Variants in PSMA1 observed in about 807,000 individuals in gnomAD.
PSMA1 encodes the protein proteasome 20S subunit alpha 1.
In PSMA1, 3 loss-of-function variants were observed where a neutral mutation model predicts 38.4. The ratio of observed to expected loss-of-function variants is 0.08; its 90% confidence interval spans 0.04 to 0.20. The LOEUF (loss-of-function observed/expected upper bound fraction) is 0.20. Among genes scored for constraint, PSMA1 ranks in the 10% least tolerant of loss-of-function variants. PSMA1 has a pLI of 1.00. For synonymous variants in PSMA1, 101 were observed against 107.1 expected, an observed-to-expected ratio of 0.94 and a Z score of 0.35; for missense variants, 227 against 325.3, an observed-to-expected ratio of 0.70 and a Z score of 2.32.
intron 1 of PSMA1, among the ~76,000 whole-genome samples, chr11:14,625,847 A>G (rs1852902698): frequency 6.6e-6 from 1 of 152,226 alleles, no homozygotes; most frequent in Non-Finnish European, 1.5e-5. Context: ...TTGCACGTCT[A>G]ATTCTGTTTT....
intron 1 of PSMA1, among the ~76,000 whole-genome samples, chr11:14,613,690 A>G (rs2134199803): frequency 6.6e-6 from 1 of 152,336 alleles, no homozygotes; most frequent in East Asian, 1.9e-4. Flanking sequence ...AAAGTAGTGA[A>G]ACCCTATACC....
At chr11:14,506,231 A>G (rs1418845979) in intron 9 of PSMA1, among the ~76,000 whole-genome samples, 1 of 152,192 alleles carries the variant, frequency 6.6e-6, no homozygotes, top group African/African-American at 2.4e-5. Flanking sequence ...ATATCATTGA[A>G]CAATTCCACC....
intron 8 of PSMA1, among the ~76,000 whole-genome samples, chr11:14,508,671 A>T (rs1851291584): frequency 6.6e-6 from 1 of 151,336 alleles, no homozygotes; most frequent in Admixed American, 6.6e-5. Context: ...TAGCGATTGG[A>T]GCAGAGTGAC....
At chr11:14,582,276 C>T (rs773911653) in intron 2 of PSMA1, among the ~76,000 whole-genome samples, 12 of 152,036 alleles carry the variant, frequency 7.9e-5, no homozygotes, top group Non-Finnish European at 7.4e-5. Flanking sequence ...CTTCTTAGAT[C>T]GATTTAGACA....
chr11:14,507,542 T>G, intron 9 of PSMA1, 114 bp downstream of exon 9: 1 of 735,594 alleles, frequency 1.4e-6, no homozygotes, highest in Non-Finnish European at 2.3e-6. Context: ...TGTTGCCATT[T>G]GAATTATGGG....
At chr11:14,568,581 T>C (rs1852100900) in intron 2 of PSMA1, among the ~76,000 whole-genome samples, 1 of 152,208 alleles carries the variant, frequency 6.6e-6, no homozygotes. Flanking sequence ...TCACTCAGAG[T>C]TGGCATCTAA....
At chr11:14,599,486 T>A (rs1243477111) in intron 2 of PSMA1, among the ~76,000 whole-genome samples, 1 of 152,214 alleles carries the variant, frequency 6.6e-6, no homozygotes, top group Non-Finnish European at 1.5e-5. Context: ...ATTTCATTAA[T>A]TTGATCTTCA....
chr11:14,520,447 A>G, upstream of PSMA1: 8 of 1,580,132 alleles, frequency 5.1e-6, no homozygotes, highest in Non-Finnish European at 6.9e-6. Context: ...AGAGATATCG[A>G]TAGGCTTGCA....
chr11:14,629,449 C>G lies in PSMA1; in HGVS notation c.-166+14006G>C, dbSNP rs897451375. ...AATCCTTTCCCCATTGCTTGTTTTT[C>G]TCAGGTTTGTCAAAGATCAGATAGT... is the stretch of plus-strand genomic sequence containing the variant. On this transcript the variant is annotated intron_variant, in intron 1 of 10. Coordinates refer to the PSMA1 transcript ENST00000418988. Among the ~76,000 whole-genome samples the G allele has an allele frequency of 3.9e-5, 6 of 152,014 alleles. No individual in the cohort carries two copies. The East Asian group carries it at 9.6e-4, about 24-fold the overall frequency.
At chr11:14,505,477 T>C (rs1249931098) in intron 9 of PSMA1, among the ~76,000 whole-genome samples, 1 of 152,174 alleles carries the variant, frequency 6.6e-6, no homozygotes, top group African/African-American at 2.4e-5. Flanking sequence ...AAAATACAGT[T>C]GGCTCGAACA....
At chr11:14,520,274 C>A in intron 1 of PSMA1, 23 bp downstream of exon 1, 1 of 1,614,072 alleles carries the variant, frequency 6.2e-7, no homozygotes, top group Non-Finnish European at 8.5e-7. Flanking sequence ...CCTAAACCTT[C>A]CAGAGATCGG....
At chr11:14,554,753 C>T (rs56179529) in intron 2 of PSMA1, among the ~76,000 whole-genome samples, 1 of 151,926 alleles carries the variant, frequency 6.6e-6, no homozygotes, top group African/African-American at 2.4e-5. Context: ...ATTTTTTAAA[C>T]GGATTTTTTT....
At chr11:14,570,945 A>G (rs2134177840) in intron 2 of PSMA1, among the ~76,000 whole-genome samples, 1 of 152,350 alleles carries the variant, frequency 6.6e-6, no homozygotes, top group South Asian at 2.1e-4. Flanking sequence ...TGTTAAGGGC[A>G]GCAAGAGAGA....
At chr11:14,639,685 A>G (rs1853173247) in intron 1 of PSMA1, among the ~76,000 whole-genome samples, 1 of 152,208 alleles carries the variant, frequency 6.6e-6, no homozygotes, top group Non-Finnish European at 1.5e-5. Flanking sequence ...CATACCTTAC[A>G]CTTAAGCCAT....
At chr11:14,579,371 CTCTTTG>C (rs938887720) in intron 2 of PSMA1, among the ~76,000 whole-genome samples, 3 of 152,010 alleles carry the variant, frequency 2.0e-5, no homozygotes, top group Admixed American at 1.3e-4. Flanking sequence ...ATGGCCTTTC[CTCTTTG>C]TCTTTGTCTT....
chr11:14,581,446 A>G (rs1852280898), intron 2 of PSMA1, among the ~76,000 whole-genome samples: 1 of 152,212 alleles, frequency 6.6e-6, no homozygotes, highest in Non-Finnish European at 1.5e-5. Context: ...AATGGATATG[A>G]TAATACCAGT....
intron 4 of PSMA1, among the ~76,000 whole-genome samples, chr11:14,514,953 C>A (rs1389402434): frequency 6.6e-6 from 1 of 152,172 alleles, no homozygotes; most frequent in African/African-American, 2.4e-5. Context: ...CGTGTTTCTG[C>A]CACTGTTACT....
intron 2 of PSMA1, among the ~76,000 whole-genome samples, chr11:14,528,552 C>T (rs1851612037): frequency 6.6e-6 from 1 of 151,992 alleles, no homozygotes; most frequent in Admixed American, 6.6e-5. Context: ...CTCCATACCA[C>T]CCCCAAAAAT....
At chr11:14,608,089 T>C (rs1474757836) in intron 2 of PSMA1, among the ~76,000 whole-genome samples, 1 of 152,172 alleles carries the variant, frequency 6.6e-6, no homozygotes, top group East Asian at 1.9e-4. Flanking sequence ...CAGTGGCTCA[T>C]GCCTGTAATC....
Sources: gnomAD v4.1 joint callset for allele counts (sites outside exome capture counted in the v4.1 genomes callset) on GRCh38, gnomAD v4.1.1 for gene constraint, MANE v1.5 for transcripts, NCBI Gene and HGNC (gene_info 2026-07-23, HGNC 2026-07-21) for gene names.